CHRDL1: variants seen among roughly 807,000 people sequenced by gnomAD.
CHRDL1 encodes chordin-like protein 1.
In CHRDL1, 19 loss-of-function variants were observed where a neutral mutation model predicts 40.9. The ratio of observed to expected loss-of-function variants is 0.46; its 90% CI spans 0.32 to 0.68. CHRDL1 has a LOEUF of 0.68. Ranked by LOEUF, CHRDL1 falls within the 30% of genes least tolerant of loss-of-function variation. CHRDL1 has a pLI of 0.03. For missense variants in CHRDL1, 329 were observed against 352.1 expected (o/e 0.93, Z 0.53); for synonymous variants, 136 against 123.4 (o/e 1.10, Z -0.68).
At chrX:110,783,009 A>T (rs1218919481) in intron 2 of CHRDL1, among the ~76,000 whole-genome samples, 1 of 112,723 alleles carries the variant, frequency 8.9e-6, no homozygotes, top group South Asian at 3.6e-4. Flanking sequence ...TGGAAGGAGC[A>T]AATTTAGGAA....
rs1333613849 is a variant in CHRDL1, at chrX:110,749,079, G to A, written c.301+10582C>T. Among the ~76,000 whole-genome samples the A allele has an allele frequency of 4.5e-5, 5 of 111,291 alleles. No individual in the cohort carries two copies. The Admixed American group carries it at 4.8e-4, about 11-fold the overall frequency. Reference sequence around the variant, plus strand: ...GGAAACAAAGAAAGAAAACAAGGAAGAAAGCATGCCACATTTCCTTGTCCT... The same window carrying A: ...GGAAACAAAGAAAGAAAACAAGGAAAAAAGCATGCCACATTTCCTTGTCCT... On this transcript the variant is annotated intron_variant, in intron 4 of 11. Coordinates refer to ENST00000372042, the MANE Select transcript of CHRDL1 (RefSeq NM_001143981.2).
chrX:110,733,896 C>G (rs1271358799), intron 4 of CHRDL1, among the ~76,000 whole-genome samples: 1 of 90,442 alleles, frequency 1.1e-5, no homozygotes, highest in East Asian at 3.4e-4. Context: ...TGCTGTAGAT[C>G]GCACAGCCTG....
chrX:110,755,277 T>A lies in CHRDL1; in HGVS notation c.301+4384A>T, dbSNP rs1300811930. Reference sequence around the variant, plus strand: ...ACTAAGACTTGACCTCTGCCAAGACTTGGACAAGTGCTGATGAAAAAAAAT... The same window carrying A: ...ACTAAGACTTGACCTCTGCCAAGACATGGACAAGTGCTGATGAAAAAAAAT... On this transcript the variant is annotated intron_variant, in intron 4 of 11. Transcript: ENST00000372042. 2.7e-5 allele frequency among the ~76,000 whole-genome samples: 3 copies of A among 111,596 alleles called. No homozygotes were observed. In the East Asian group the frequency reaches 8.5e-4, roughly 31 times the overall value.
At chrX:110,729,491 C>T (rs969188062) in intron 4 of CHRDL1, among the ~76,000 whole-genome samples, 2 of 111,459 alleles carry the variant, frequency 1.8e-5, no homozygotes, top group African/African-American at 3.3e-5. Context: ...TGAGGTCATG[C>T]TGGCAGGCCT....
chrX:110,686,738 G>A (rs748333860), intron 9 of CHRDL1, among the ~76,000 whole-genome samples: 18 of 108,822 alleles, frequency 1.7e-4, no homozygotes, highest in African/African-American at 5.4e-4. Flanking sequence ...ATAGCTGGGT[G>A]TGGTGGTGCG....
At chrX:110,729,298 GC>G (rs1019080317) in intron 4 of CHRDL1, among the ~76,000 whole-genome samples, 1 of 110,817 alleles carries the variant, frequency 9.0e-6, no homozygotes, top group Non-Finnish European at 1.9e-5. Context: ...AATCAATGAT[GC>G]CTACCTTTAG....
chrX:110,759,415 A>C (rs1370054836), intron 4 of CHRDL1, among the ~76,000 whole-genome samples: 1 of 112,394 alleles, frequency 8.9e-6, no homozygotes, highest in Non-Finnish European at 1.9e-5. Context: ...TCCGATTGAC[A>C]CCCACCTTCA....
At chrX:110,712,526 A>C (rs2070763954) in intron 6 of CHRDL1, among the ~76,000 whole-genome samples, 1 of 111,165 alleles carries the variant, frequency 9.0e-6, no homozygotes, top group Non-Finnish European at 1.9e-5. Context: ...CAAGCTGAAA[A>C]ATTCAGATTG....
Position 110,683,699 on chromosome X carries a change from C to T in CHRDL1, c.989-2050G>A, listed in dbSNP as rs777026045. 2.1e-3 allele frequency among the ~76,000 whole-genome samples: 238 copies of T among 111,379 alleles called. 1 individual carries two copies. Among genetic ancestry groups the T allele is most frequent in the African/African-American group, 7.7e-3 (235 of 30,595 alleles). On this transcript the variant is annotated intron_variant, in intron 9 of 11. Transcript: ENST00000372042. ...TGTGTTCTGAGCTTGGGAATCCAGG[C>T]GTGGCCAACTGGGAGATTATTTCCT...
chrX:110,788,317 G>A (rs1385893636), intron 2 of CHRDL1, among the ~76,000 whole-genome samples: 1 of 111,898 alleles, frequency 8.9e-6, no homozygotes, highest in East Asian at 2.8e-4. Context: ...CTTGTGATGA[G>A]CTTTCCACAA....
chrX:110,695,043 G>A (rs931635759), intron 7 of CHRDL1, among the ~76,000 whole-genome samples: 1 of 110,602 alleles, frequency 9.0e-6, no homozygotes, highest in African/African-American at 3.3e-5. Context: ...TTTTTTTAAA[G>A]TTAGAGAAAT....
chrX:110,689,622 C>CTA (rs766696667), intron 8 of CHRDL1, among the ~76,000 whole-genome samples: 286 of 18,753 alleles, frequency 0.015, 1 homozygote, highest in Middle Eastern at 0.074. Flanking sequence ...ATCTATATAT[C>CTA]TATATATCTA....
intron 2 of CHRDL1, among the ~76,000 whole-genome samples, chrX:110,775,499 T>C (rs2089837699): frequency 9.0e-6 from 1 of 111,506 alleles, no homozygotes; most frequent in Non-Finnish European, 1.9e-5. Flanking sequence ...TGAATAAATA[T>C]ACTAATTTGT....
At chrX:110,774,076 CTG>C (rs777121909) in intron 2 of CHRDL1, among the ~76,000 whole-genome samples, 11 of 111,871 alleles carry the variant, frequency 9.8e-5, no homozygotes, top group African/African-American at 3.6e-4. Context: ...ACATTAAGGA[CTG>C]TTATGTTTTC....
In CHRDL1 at chrX:110,733,840, G is replaced by A. The variant is rs750038708; in HGVS notation, c.302-12310C>T. ...GGATCATTGGTTGAGCCCAGGAGGC[G>A]GAGGTTGCATTGAGCCGAGATTGCA... On this transcript the variant is annotated intron_variant, in intron 4 of 11. Transcript: ENST00000372042. Among the ~76,000 whole-genome samples, 292 of 107,742 alleles carry A rather than the reference G, an allele frequency of 2.7e-3. 1 individual carries two copies. Among genetic ancestry groups the A allele is most frequent in the African/African-American group, 9.6e-3 (281 of 29,418 alleles). 93.6% of individuals were successfully genotyped at this position (107,742 alleles called of 115,157 possible).
intron 4 of CHRDL1, among the ~76,000 whole-genome samples, chrX:110,734,698 G>A (rs752628863): frequency 1.8e-5 from 2 of 111,969 alleles, no homozygotes; most frequent in African/African-American, 3.2e-5. Flanking sequence ...TAATAATTGC[G>A]GAAGATAAAA....
chrX:110,759,934 T>C (rs1292424768), intron 3 of CHRDL1, among the ~76,000 whole-genome samples, 180 bp from the exon 4 acceptor site: 1 of 111,436 alleles, frequency 9.0e-6, no homozygotes, highest in Admixed American at 9.5e-5. Context: ...GCTGGGTTGG[T>C]TGATAGTTTA....
intron 6 of CHRDL1, among the ~76,000 whole-genome samples, chrX:110,700,979 A>G (rs1251638358): frequency 8.9e-6 from 1 of 112,194 alleles, no homozygotes; most frequent in Non-Finnish European, 1.9e-5. Flanking sequence ...AATAAAAGGA[A>G]AATAATCACT....
intron 4 of CHRDL1, among the ~76,000 whole-genome samples, chrX:110,738,894 T>A (rs988896579): frequency 4.5e-5 from 5 of 111,906 alleles, no homozygotes; most frequent in Non-Finnish European, 7.5e-5. Context: ...TTTTACTTTT[T>A]AAGAATGGTT....
Sources: allele counts gnomAD v4.1 joint callset (sites outside exome capture counted in the v4.1 genomes callset), GRCh38; gene constraint gnomAD v4.1.1; transcripts MANE v1.5; gene names NCBI Gene and HGNC (gene_info 2026-07-23, HGNC 2026-07-21).